Variants in NINJ2 observed in about 807,000 individuals in gnomAD.
The protein encoded by NINJ2 is ninjurin 2.
Under a neutral mutation model 11.7 loss-of-function variants are expected in NINJ2, and 12 were observed. That is an observed-to-expected ratio of 1.02 (90% CI 0.66 to 1.66). The LOEUF (loss-of-function observed/expected upper bound fraction) is 1.66. Among genes scored for constraint, NINJ2 ranks in the 40% most tolerant of loss-of-function variants. NINJ2 has a pLI of 0.00. For missense variants in NINJ2, 187 were observed against 181.8 expected (o/e 1.03, Z -0.16); for synonymous variants, 93 against 76.8 (o/e 1.21, Z -1.10).
At chr12:584,712 A>G (rs937276131) in intron 1 of NINJ2, among the ~76,000 whole-genome samples, 4 of 152,108 alleles carry the variant, frequency 2.6e-5, no homozygotes, top group Non-Finnish European at 5.9e-5. Context: ...AGGCTAAGGC[A>G]GGAGAATCAC....
At chr12:606,988 T>A (rs1565632818) in intron 1 of NINJ2, among the ~76,000 whole-genome samples, 1 of 152,312 alleles carries the variant, frequency 6.6e-6, no homozygotes, top group African/African-American at 2.4e-5. Context: ...CCCCAACTCT[T>A]CCGGAGGCCC....
chr12:628,469 T>C lies in NINJ2; in HGVS notation c.33+34859A>G, dbSNP rs1394755969. 3.9e-5 allele frequency among the ~76,000 whole-genome samples: 6 copies of C among 152,188 alleles called. No homozygotes were observed. The highest frequency in any genetic ancestry group is 8.8e-5 in the Non-Finnish European group (6 of 68,022). On this transcript the variant is annotated intron_variant, in intron 1 of 3. Transcript: ENST00000305108. The surrounding 1 kb of genome is among the most constrained non-coding windows in gnomAD (Gnocchi z 4.4). The stretch of plus-strand genomic sequence containing the variant: ...ACAGAGTGACCAACATAACAGTTAA[T>C]AGCATTTCCTCATTTTACAGACAGG...
chr12:610,254 C>G (rs1162522267), intron 1 of NINJ2: 3 of 1,062,750 alleles, frequency 2.8e-6, no homozygotes, highest in East Asian at 2.6e-5. Context: ...AGTGAAACAG[C>G]CCCTCTGGCA....
chr12:656,286 C>T (rs1565650493), intron 1 of NINJ2, among the ~76,000 whole-genome samples: 3 of 151,886 alleles, frequency 2.0e-5, no homozygotes, highest in Admixed American at 1.3e-4. Flanking sequence ...ATCACTTGAA[C>T]CCAGGAGGCG....
chr12:611,222 T>TTTC (rs747175654), intron 1 of NINJ2, among the ~76,000 whole-genome samples: 1 of 129,686 alleles, frequency 7.7e-6, no homozygotes, highest in Non-Finnish European at 1.7e-5. Context: ...TCTTTCTTTC[T>TTTC]TTCTTTTTCT....
intron 1 of NINJ2, among the ~76,000 whole-genome samples, chr12:601,592 G>T (rs183209464): frequency 0.011 from 1,573 of 145,454 alleles, 20 homozygotes; most frequent in Non-Finnish European, 0.017. Context: ...AGCCAGGTGC[G>T]GTGGCTCACG....
rs1047186156 is a variant in NINJ2 at position 580,507 on chromosome 12, G to A, written c.34-14329C>T. Among the ~76,000 whole-genome samples the A allele has an allele frequency of 6.6e-6, 1 of 151,834 alleles. No individual in the cohort carries two copies. The highest frequency in any genetic ancestry group is 6.6e-5 in the Admixed American group (1 of 15,224). On this transcript the variant is annotated intron_variant, in intron 1 of 3. Transcript: ENST00000305108. This position sits in a 1 kb window ranked among gnomAD's most constrained non-coding sequence, Gnocchi z 4.7. ...GGAGGCTGAGGCAGGAGAATCACTT[G>A]AACCTGGAGGCAAAGGTTGCAGGGA...
intron 1 of NINJ2, among the ~76,000 whole-genome samples, chr12:656,936 C>T (rs1240836272): frequency 1.3e-5 from 2 of 152,134 alleles, no homozygotes; most frequent in Non-Finnish European, 2.9e-5. Context: ...CCAGAATAAC[C>T]GGGCATCCAC....
chr12:655,111 A>C (rs144267630), intron 1 of NINJ2, among the ~76,000 whole-genome samples: 10 of 152,308 alleles, frequency 6.6e-5, no homozygotes, highest in African/African-American at 2.2e-4. Flanking sequence ...AACTAACATC[A>C]TACTTAATGA....
At position 663,387 on chromosome 12, in the gene NINJ2, G is replaced by A. The variant is rs184687485; in HGVS notation, c.-27C>T. On this transcript the variant is annotated 5_prime_UTR_variant, in exon 1 of 4. Coordinates refer to ENST00000305108, the MANE Select transcript of NINJ2 (RefSeq NM_016533.6). ...TCGCTGCCCTCAAGTCCCTTCACACGCACCGGGTGCCGGGAACAGACTGCG... is the reference window on the plus strand; with the variant it reads ...TCGCTGCCCTCAAGTCCCTTCACACACACCGGGTGCCGGGAACAGACTGCG... 1.2e-6 allele frequency: 2 copies of A among 1,614,054 alleles called. No homozygotes were observed. Among genetic ancestry groups the A allele is most frequent in the African/African-American group, 1.3e-5 (1 of 75,038 alleles).
chr12:649,032 A>ATCTG (rs1191391738), intron 1 of NINJ2, among the ~76,000 whole-genome samples: 1 of 149,218 alleles, frequency 6.7e-6, no homozygotes, highest in South Asian at 2.1e-4. Flanking sequence ...CTATCTATCT[A>ATCTG]TCTCAAGTGA....
At chr12:578,255 G>C (rs865895288) in intron 1 of NINJ2, among the ~76,000 whole-genome samples, 1 of 152,166 alleles carries the variant, frequency 6.6e-6, no homozygotes, top group Non-Finnish European at 1.5e-5. Flanking sequence ...CGGGGAGCTC[G>C]GTTGTTGGAG....
At position 619,712 on chromosome 12, in the gene NINJ2, G is replaced by A. The variant is rs147484369; in HGVS notation, c.33+43616C>T. Among the ~76,000 whole-genome samples the A allele has an allele frequency of 2.6e-4, 40 of 152,192 alleles. No individual in the cohort carries two copies. The East Asian group carries it at 7.5e-3, about 29-fold the overall frequency. Reference sequence around the variant, plus strand: ...GTTTAGAATGATTCCTTGGGAAAAGGGGTAGCAAAGTAACTTTGTCCTGAA... The same window carrying A: ...GTTTAGAATGATTCCTTGGGAAAAGAGGTAGCAAAGTAACTTTGTCCTGAA... On this transcript the variant is annotated intron_variant, in intron 1 of 3. Transcript: ENST00000305108.
rs942506064 is a variant in NINJ2 at position 614,135 on chromosome 12, C to T, written c.34-47957G>A. On this transcript the variant is annotated intron_variant, in intron 1 of 3. Coordinates refer to ENST00000305108, the MANE Select transcript of NINJ2 (RefSeq NM_016533.6). The surrounding 1 kb of genome is among the most constrained non-coding windows in gnomAD (Gnocchi z 5.1). ...TGGCTAGTAAGAACAGTCTCTTACA[C>T]GATGTCCTACTGCCTCCTAAAGAAG... Among the ~76,000 whole-genome samples, 2 of 152,058 alleles carry T rather than the reference C, an allele frequency of 1.3e-5. No individual in the cohort carries two copies. Among genetic ancestry groups the T allele is most frequent in the African/African-American group, 2.4e-5 (1 of 41,406 alleles).
chr12:628,650 G>A lies in NINJ2; in HGVS notation c.33+34678C>T, dbSNP rs986940795. On this transcript the variant is annotated intron_variant, in intron 1 of 3. Coordinates refer to ENST00000305108, the MANE Select transcript of NINJ2 (RefSeq NM_016533.6). This position sits in a 1 kb window ranked among gnomAD's most constrained non-coding sequence, Gnocchi z 4.4. ...AGGAGGTTAGGCATTCTTAGTCACA[G>A]GATGAGATAGGAGGTCAGCACAAGA... is the stretch of plus-strand genomic sequence containing the variant. Among the ~76,000 whole-genome samples, 5 of 152,166 alleles carry A rather than the reference G, an allele frequency of 3.3e-5. No individual in the cohort carries two copies. The highest frequency in any genetic ancestry group is 9.7e-5 in the African/African-American group (4 of 41,442).
intron 1 of NINJ2, among the ~76,000 whole-genome samples, chr12:586,767 A>G (rs1411207982): frequency 6.6e-6 from 1 of 152,240 alleles, no homozygotes; most frequent in Non-Finnish European, 1.5e-5. Context: ...TCCTTTCCCC[A>G]ACAGCCAGGT....
intron 1 of NINJ2, among the ~76,000 whole-genome samples, chr12:622,139 AG>A (rs1565638765): frequency 9.3e-6 from 1 of 108,014 alleles, no homozygotes. Flanking sequence ...AAAAAAAAAA[AG>A]GCCAGGCGCA....
chr12:597,417 A>T (rs1331805521), intron 1 of NINJ2, among the ~76,000 whole-genome samples: 2 of 152,220 alleles, frequency 1.3e-5, no homozygotes, highest in African/African-American at 4.8e-5. Flanking sequence ...GGCTTTTGAG[A>T]TTTCCACTGT....
Position 585,984 on chromosome 12 carries a change from C to T in NINJ2, c.34-19806G>A, listed in dbSNP as rs934636521. ...AGAAGCTCTGCGCTGGGAACCAGTA[C>T]CCTAACAGAGGAGACTGGTAAAAGG... On this transcript the variant is annotated intron_variant, in intron 1 of 3. Coordinates refer to ENST00000305108, the MANE Select transcript of NINJ2 (RefSeq NM_016533.6). This position sits in a 1 kb window ranked among gnomAD's most constrained non-coding sequence, Gnocchi z 4.1. 1 of 152,128 alleles carries T rather than the reference C, an allele frequency of 6.6e-6. No individual in the cohort carries two copies. The allele number at this position is 152,128 out of a possible 1,614,324, so 9.4% of individuals were successfully genotyped here.
Sources: gnomAD v4.1 joint callset for allele counts (sites outside exome capture counted in the v4.1 genomes callset) on GRCh38, gnomAD v4.1.1 for gene constraint, Gnocchi (gnomAD v3.1) non-coding constraint, MANE v1.5 for transcripts, NCBI Gene and HGNC (gene_info 2026-07-23, HGNC 2026-07-21) for gene names.